The following ZNF540 variants were observed in gnomAD, a reference collection of about 807,000 sequenced individuals.
ZNF540 encodes CTD-3064H18.6.
A neutral mutation model predicts 11.8 loss-of-function variants in ZNF540; 3 were observed. The ratio of observed to expected loss-of-function variants is 0.25; its 90% CI spans 0.12 to 0.65. The LOEUF is 0.65. Among genes scored for constraint, ZNF540 ranks in the 30% least tolerant of loss-of-function variants. The pLI is 0.83. For synonymous variants in ZNF540, 247 were observed against 259.0 expected (o/e 0.95, Z 0.45); for missense variants, 709 against 793.1 (o/e 0.89, Z 1.27).
At chr19:37,584,055 CCTGAGA>C (rs1362847782) in intron 1 of ZNF540, 2 of 1,614,002 alleles carry the variant, frequency 1.2e-6, no homozygotes, top group African/African-American at 1.3e-5. Context: ...TCCCATTCCT[CCTGAGA>C]GAAGTCAATG....
chr19:37,567,009 C>G (rs2042884244), intron 1 of ZNF540, among the ~76,000 whole-genome samples: 4 of 152,102 alleles, frequency 2.6e-5, no homozygotes, highest in African/African-American at 9.7e-5. Context: ...TCATAATGGC[C>G]TCCTTGGTGT....
At chr19:37,598,829 T>G (rs764645152) in intron 2 of ZNF540, among the ~76,000 whole-genome samples, 28 of 152,218 alleles carry the variant, frequency 1.8e-4, no homozygotes, top group Non-Finnish European at 3.5e-4. Flanking sequence ...TAATATTGAT[T>G]GGCCTCAGTT....
At chr19:37,565,503 A>C (rs1555715297) in intron 1 of ZNF540, 1 of 1,613,742 alleles carries the variant, frequency 6.2e-7, no homozygotes, top group Non-Finnish European at 8.5e-7. Flanking sequence ...CATTCCTTAC[A>C]CTCATAAGGT....
At chr19:37,551,743 C>T (rs1157555796) in intron 1 of ZNF540, 1 of 152,418 alleles carries the variant, frequency 6.6e-6, no homozygotes, top group Non-Finnish European at 1.5e-5. Flanking sequence ...AACCAAGCAG[C>T]CTCAGGAGCT....
At position 37,587,101 on chromosome 19, in the gene ZNF540, C is replaced by T. The variant is rs374658680; in HGVS notation, c.-72-11275C>T. 5.3e-5 allele frequency: 9 copies of T among 169,278 alleles called. No individual in the cohort carries two copies. The South Asian group carries it at 1.5e-3, about 28-fold the overall frequency. The allele number at this position is 169,278 out of a possible 1,614,324, so 10.5% of individuals were successfully genotyped here. A position where few individuals can be genotyped will look rare whatever the true frequency, so the allele number is the denominator to read the frequency against. ...GACCAAAATGTGGCCTTCTTTCAGA[C>T]GTCATGAACATCAGCTAGACTCACA... On this transcript the variant is annotated intron_variant, in intron 1 of 4. Transcript: ENST00000592533.
chr19:37,600,702 A>C (rs1194376463), intron 3 of ZNF540, among the ~76,000 whole-genome samples: 3 of 152,208 alleles, frequency 2.0e-5, no homozygotes, highest in Non-Finnish European at 2.9e-5. Context: ...TTGGACCCAC[A>C]TAGTCTGGCT....
At chr19:37,593,815 TC>T (rs2043938284), upstream of ZNF540, among the ~76,000 whole-genome samples, 2 of 152,000 alleles carry the variant, frequency 1.3e-5, no homozygotes. Flanking sequence ...GATGATCCCA[TC>T]CCCGCAGCAT....
In ZNF540 at chr19:37,612,579, T is replaced by A. The variant is rs2044140344; in HGVS notation, c.1299T>A (p.His433Gln). 6.2e-7 allele frequency: 1 copy of A among 1,613,998 alleles called. No homozygotes were observed. The highest frequency in any genetic ancestry group is 8.5e-7 in the Non-Finnish European group (1 of 1,180,020). ...ACCTCAGAGTACATTCTAGAATTCATACTGGAGAGAAACCATATGAATGTA... is the reference window on the plus strand; with the variant it reads ...ACCTCAGAGTACATTCTAGAATTCAAACTGGAGAGAAACCATATGAATGTA... Reference protein sequence around the residue: ...SGDLRVHSRIHTGEKPYECKE... With the variant: ...SGDLRVHSRIQTGEKPYECKE... Residue 433 changes from histidine to glutamine, a missense_variant, in exon 5 of 5, where the codon CAT (histidine) becomes CAA (glutamine). Physicochemically the swap from His to Gln is conservative, Grantham distance 24. Coordinates refer to ENST00000316433, the MANE Select transcript of ZNF540 (RefSeq NM_001172225.3).
At chr19:37,558,094 A>C (rs550582337) in intron 1 of ZNF540, among the ~76,000 whole-genome samples, 131 of 152,278 alleles carry the variant, frequency 8.6e-4, no homozygotes, top group African/African-American at 2.9e-3. Context: ...TGCCTTTTTC[A>C]GGTTTCAAAA....
At chr19:37,600,567 T>C (rs1465451882) in intron 3 of ZNF540, among the ~76,000 whole-genome samples, 1 of 152,028 alleles carries the variant, frequency 6.6e-6, no homozygotes, top group Non-Finnish European at 1.5e-5. Context: ...AGCTACAAGA[T>C]ACAAAAGAAA....
At chr19:37,553,481 T>C (rs1322995370) in intron 1 of ZNF540, among the ~76,000 whole-genome samples, 1 of 152,180 alleles carries the variant, frequency 6.6e-6, no homozygotes, top group Non-Finnish European at 1.5e-5. Flanking sequence ...ACATTGTTTG[T>C]AATTATTGAT....
In ZNF540 at chr19:37,601,118, T is replaced by G; in HGVS notation, c.232+13T>G. The G allele has an allele frequency of 4.6e-6, 7 of 1,534,994 alleles. No homozygotes were observed. The highest frequency in any genetic ancestry group is 6.2e-6 in the Non-Finnish European group (7 of 1,127,912). Reference sequence around the variant, plus strand: ...AGACAGTGCCCCGGTGAGTTGAGAGTTCATCAGGCAGATGGAAGCCCTCAT... The same window carrying G: ...AGACAGTGCCCCGGTGAGTTGAGAGGTCATCAGGCAGATGGAAGCCCTCAT... On this transcript the variant is annotated intron_variant, in intron 4 of 4. Transcript: ENST00000316433.
chr19:37,566,118 C>T (rs188721808), intron 1 of ZNF540: 3 of 1,614,052 alleles, frequency 1.9e-6, no homozygotes, highest in Non-Finnish European at 2.5e-6. Flanking sequence ...TAAAGCCCTT[C>T]CTGACTTGCT....
At chr19:37,607,527 C>T (rs2044094590) in intron 4 of ZNF540, among the ~76,000 whole-genome samples, 1 of 152,108 alleles carries the variant, frequency 6.6e-6, no homozygotes, top group Admixed American at 6.6e-5. Context: ...CTGTCTCCAT[C>T]GTTTTGCCTT....
intron 1 of ZNF540, among the ~76,000 whole-genome samples, chr19:37,579,494 G>A (rs940889505): frequency 6.6e-6 from 1 of 152,198 alleles, no homozygotes; most frequent in Admixed American, 6.5e-5. Flanking sequence ...AATGGGGAAA[G>A]GATTCCCTAT....
chr19:37,552,924 G>A lies in ZNF540; in HGVS notation c.-73+1259G>A, dbSNP rs188748497. Among the ~76,000 whole-genome samples, 355 of 152,042 alleles carry A rather than the reference G, an allele frequency of 2.3e-3. 2 individuals carry two copies. The highest frequency in any genetic ancestry group is 6.8e-3 in the Middle Eastern group (2 of 294). On this transcript the variant is annotated intron_variant, in intron 1 of 4. Coordinates refer to the ZNF540 transcript ENST00000592533. Reference sequence around the variant, plus strand: ...ATGGCACCACTGCACTCCAGCCTGGGTGACGGGGTGAGACTCTGTCTCGAA... The same window carrying A: ...ATGGCACCACTGCACTCCAGCCTGGATGACGGGGTGAGACTCTGTCTCGAA...
At chr19:37,578,683 C>T (rs55865869) in intron 1 of ZNF540, among the ~76,000 whole-genome samples, 6 of 151,886 alleles carry the variant, frequency 4.0e-5, no homozygotes, top group Admixed American at 6.5e-5. Flanking sequence ...ACCCTGTCCC[C>T]ACCTGAACTC....
chr19:37,555,309 G>T (rs983013329), intron 1 of ZNF540: 3 of 152,696 alleles, frequency 2.0e-5, no homozygotes, highest in Non-Finnish European at 2.9e-5. Flanking sequence ...TTCCCCACTT[G>T]TGTTTTTGGG....
At chr19:37,554,347 CATTT>C (rs1005528921) in intron 1 of ZNF540, among the ~76,000 whole-genome samples, 2 of 152,152 alleles carry the variant, frequency 1.3e-5, no homozygotes, top group Non-Finnish European at 2.9e-5. Context: ...CTTTAGCTTT[CATTT>C]GTTTATAAAA....
Sources: allele counts gnomAD v4.1 joint callset (sites outside exome capture counted in the v4.1 genomes callset), GRCh38; gene constraint gnomAD v4.1.1; transcripts MANE v1.5; gene names NCBI Gene and HGNC (gene_info 2026-07-23, HGNC 2026-07-21).